The following MGAT5 variants were observed in gnomAD, a reference collection of about 807,000 sequenced individuals.
MGAT5 encodes alpha-1,6-mannosylglycoprotein 6-beta-N-acetylglucosaminyltransferase, also known as alpha-1,6-mannosylglycoprotein 6-beta-N-acetylglucosaminyltransferase A.
A neutral mutation model predicts 94.3 loss-of-function variants in MGAT5; 30 were observed. That is an observed-to-expected ratio of 0.32 (90% CI 0.24 to 0.43). The LOEUF is 0.43. Ranked by LOEUF, MGAT5 falls within the 20% of genes least tolerant of loss-of-function variation. The pLI, the probability that MGAT5 is intolerant of heterozygous loss-of-function variation, is 1.00. For synonymous variants in MGAT5, 310 were observed against 322.9 expected (o/e 0.96, Z 0.43); for missense variants, 691 against 905.5 (o/e 0.76, Z 3.04).
At chr2:134,365,506 C>T (rs1025344339) in intron 10 of MGAT5, among the ~76,000 whole-genome samples, 2 of 152,134 alleles carry the variant, frequency 1.3e-5, no homozygotes, top group Non-Finnish European at 2.9e-5. Flanking sequence ...GGCAGGAGGG[C>T]GAGGCGGAAG....
In MGAT5 at chr2:134,338,367, G is replaced by T; in HGVS notation, c.754G>T (p.Ala252Ser). Residue 252 changes from alanine (A) to serine (S), a missense_variant, in exon 6 of 16, where the codon GCA (alanine) becomes TCA (serine). Physicochemically the swap from Ala to Ser is moderately conservative, Grantham distance 99 (BLOSUM62 1). This residue lies in a region of MGAT5 where 307 missense variants were observed against 335.4 expected (regional missense o/e 0.92). Coordinates refer to ENST00000281923, the MANE Select transcript of MGAT5 (RefSeq NM_002410.5). ...IRRMADAWIQ[A>S]IKSLAEKQNL... ...GCGAATGGCTGACGCATGGATCCAA[G>T]CAATCAAGTCCCTGGCAGAAAAGCA... is the stretch of plus-strand genomic sequence containing the variant. The T allele has an allele frequency of 6.2e-7, 1 of 1,612,716 alleles. No individual in the cohort carries two copies. The highest frequency in any genetic ancestry group is 1.7e-5 in the Admixed American group (1 of 59,754).
At chr2:134,200,261 T>TA in intron 1 of MGAT5, among the ~76,000 whole-genome samples, 1 of 151,748 alleles carries the variant, frequency 6.6e-6, no homozygotes. Context: ...GTGGTCACGC[T>TA]TGAGGGGTTT....
intron 4 of MGAT5, among the ~76,000 whole-genome samples, chr2:134,328,575 C>T (rs1276912665): frequency 6.6e-6 from 1 of 152,038 alleles, no homozygotes; most frequent in Non-Finnish European, 1.5e-5. Context: ...TCATGAGTCT[C>T]TTTAGTGCCC....
chr2:134,182,700 G>C (rs905290929), intron 1 of MGAT5, among the ~76,000 whole-genome samples: 112 of 150,974 alleles, frequency 7.4e-4, no homozygotes, highest in African/African-American at 2.5e-3. Context: ...TCACTGCATT[G>C]ACTTCTAACA....
intron 9 of MGAT5, among the ~76,000 whole-genome samples, chr2:134,360,608 A>C (rs1469830337): frequency 6.6e-6 from 1 of 152,222 alleles, no homozygotes; most frequent in Non-Finnish European, 1.5e-5. Context: ...AAACTTTTAG[A>C]ATTAACAAAA....
At chr2:134,330,488 A>C (rs2105950119) in intron 4 of MGAT5, among the ~76,000 whole-genome samples, 1 of 151,666 alleles carries the variant, frequency 6.6e-6, no homozygotes, top group Admixed American at 6.6e-5. Context: ...TTAAGCCTTG[A>C]CTTCATCCCA....
intron 1 of MGAT5, among the ~76,000 whole-genome samples, chr2:134,156,885 A>G (rs892995997): frequency 2.0e-5 from 3 of 152,182 alleles, no homozygotes; most frequent in Non-Finnish European, 4.4e-5. Context: ...TTGGACTCGG[A>G]CACATCCAGG....
At chr2:134,354,512 T>C (rs941354913) in intron 9 of MGAT5, among the ~76,000 whole-genome samples, 2 of 152,196 alleles carry the variant, frequency 1.3e-5, no homozygotes, top group Admixed American at 1.3e-4. Context: ...TAAATATTCA[T>C]GGTACACGTC....
intron 2 of MGAT5, among the ~76,000 whole-genome samples, chr2:134,300,683 G>C (rs374205409): frequency 2.0e-5 from 3 of 152,066 alleles, no homozygotes; most frequent in African/African-American, 7.2e-5. Flanking sequence ...AGCACTGCCA[G>C]CCCACAATGA....
chr2:134,163,003 G>A (rs544251652), intron 1 of MGAT5, among the ~76,000 whole-genome samples: 14 of 152,206 alleles, frequency 9.2e-5, no homozygotes, highest in African/African-American at 3.1e-4. Flanking sequence ...GTGGAGTGTC[G>A]GTGTTGCTGA....
chr2:134,163,432 C>T (rs777959035), intron 1 of MGAT5, among the ~76,000 whole-genome samples: 10 of 152,074 alleles, frequency 6.6e-5, no homozygotes, highest in Non-Finnish European at 1.3e-4. Flanking sequence ...GAAAGGCCCA[C>T]CAGGTTAGAA....
At chr2:134,317,260 G>A (rs1210843421) in intron 2 of MGAT5, among the ~76,000 whole-genome samples, 6 of 152,022 alleles carry the variant, frequency 3.9e-5, no homozygotes, top group African/African-American at 1.2e-4. Context: ...CTAAGTAAGC[G>A]CTCTGGTTGG....
chr2:134,423,215 T>C (rs779548033), intron 13 of MGAT5, among the ~76,000 whole-genome samples: 4 of 152,236 alleles, frequency 2.6e-5, no homozygotes, highest in Non-Finnish European at 4.4e-5. Context: ...GACCTGATTA[T>C]GTTGCTCTCA....
intron 1 of MGAT5, among the ~76,000 whole-genome samples, chr2:134,233,606 A>G (rs1216954303): frequency 6.6e-6 from 1 of 152,230 alleles, no homozygotes; most frequent in Non-Finnish European, 1.5e-5. Flanking sequence ...TAATGTATTT[A>G]GATCAGGCAG....
chr2:134,402,270 T>C (rs1382099306), intron 10 of MGAT5, among the ~76,000 whole-genome samples: 1 of 152,208 alleles, frequency 6.6e-6, no homozygotes, highest in Non-Finnish European at 1.5e-5. Context: ...CAAAATTCAG[T>C]GCCTACAAAT....
intron 4 of MGAT5, among the ~76,000 whole-genome samples, chr2:134,328,542 G>C (rs144767903): frequency 2.6e-5 from 4 of 152,170 alleles, no homozygotes; most frequent in African/African-American, 7.2e-5. Flanking sequence ...AAAGCGCCGC[G>C]TAAGTGGAAA....
intron 9 of MGAT5, among the ~76,000 whole-genome samples, chr2:134,360,794 A>G (rs569559031): frequency 6.6e-6 from 1 of 152,304 alleles, no homozygotes; most frequent in Admixed American, 6.5e-5. Context: ...TTTCCAGCCA[A>G]CTGCAGCCAT....
At chr2:134,136,162 C>T (rs1488374068) in intron 1 of MGAT5, among the ~76,000 whole-genome samples, 1 of 152,156 alleles carries the variant, frequency 6.6e-6, no homozygotes, top group Non-Finnish European at 1.5e-5. Flanking sequence ...TGTTGAAATA[C>T]CAGTATTCAT....
chr2:134,441,946 A>C, intron 15 of MGAT5, 31 bp downstream of exon 15: 24 of 1,606,506 alleles, frequency 1.5e-5, no homozygotes, highest in Non-Finnish European at 2.0e-5. Flanking sequence ...GTGGGGACTC[A>C]GCCCCTAGAC....
Sources: allele counts gnomAD v4.1 joint callset (sites outside exome capture counted in the v4.1 genomes callset), GRCh38; gene constraint gnomAD v4.1.1; regional missense constraint gnomAD v4.1.1; transcripts MANE v1.5; gene names NCBI Gene and HGNC (gene_info 2026-07-23, HGNC 2026-07-21).